Variants in PDE4D observed in about 807,000 individuals in gnomAD.
PDE4D encodes phosphodiesterase 4D, also known as 3',5'-cyclic-AMP phosphodiesterase 4D.
A neutral mutation model predicts 87.4 loss-of-function variants in PDE4D; 24 were observed. That is an observed-to-expected ratio of 0.27 (90% CI 0.20 to 0.39). PDE4D has a LOEUF of 0.39. PDE4D is among the 10% of genes least tolerant of loss of function. The probability of loss-of-function intolerance (pLI) is 1.00; values close to 1 mark genes in which losing one functional copy is unlikely to be tolerated. For synonymous variants in PDE4D, 384 were observed against 383.2 expected (o/e 1.00, Z -0.02); for missense variants, 714 against 1,041.0 (o/e 0.69, Z 4.32).
At chr5:59,546,026 C>T (rs1414745401) in intron 1 of PDE4D, among the ~76,000 whole-genome samples, 1 of 152,068 alleles carries the variant, frequency 6.6e-6, no homozygotes, top group Non-Finnish European at 1.5e-5. Context: ...TATATTTATA[C>T]TGGAATGAAC....
intron 2 of PDE4D, among the ~76,000 whole-genome samples, chr5:60,074,836 T>A (rs375657511): frequency 2.0e-5 from 3 of 152,328 alleles, no homozygotes; most frequent in African/African-American, 7.2e-5. Flanking sequence ...CCCTGTTTTT[T>A]TCTGTTTTGC....
At chr5:59,211,738 C>T (rs1377099758) in intron 2 of PDE4D, among the ~76,000 whole-genome samples, 2 of 151,988 alleles carry the variant, frequency 1.3e-5, no homozygotes, top group South Asian at 4.1e-4. Context: ...ATGATATACA[C>T]ACACCATGTA....
chr5:60,379,041 A>G (rs1761654325), intron 1 of PDE4D, among the ~76,000 whole-genome samples: 1 of 152,108 alleles, frequency 6.6e-6, no homozygotes, highest in African/African-American at 2.4e-5. Flanking sequence ...TCCTACATAC[A>G]TGGTTACCCT....
chr5:59,592,191 A>T, intron 1 of PDE4D: 6 of 951,774 alleles, frequency 6.3e-6, no homozygotes, highest in Non-Finnish European at 7.5e-6. Context: ...TATTTATAAC[A>T]CCAAAAACAT....
At chr5:60,329,322 C>G (rs183264258) in intron 1 of PDE4D, among the ~76,000 whole-genome samples, 46 of 152,228 alleles carry the variant, frequency 3.0e-4, no homozygotes, top group Middle Eastern at 3.4e-3. Flanking sequence ...ACAAAGGGCA[C>G]TTCCCCTGCT....
chr5:59,865,547 C>A (rs1464555683), intron 1 of PDE4D, among the ~76,000 whole-genome samples: 1 of 152,128 alleles, frequency 6.6e-6, no homozygotes, highest in Admixed American at 6.5e-5. Context: ...AACTCAATGA[C>A]AAATCTAGCA....
In PDE4D at chr5:60,240,389, C is replaced by T. The variant is rs151104773; in HGVS notation, c.-89-54702G>A. Among the ~76,000 whole-genome samples, 259 of 152,132 alleles carry T rather than the reference C, an allele frequency of 1.7e-3. 1 individual carries two copies. The East Asian group carries it at 0.02, about 12-fold the overall frequency. ...GGGCAACAAGCAGACTCTTGGGGTC[C>T]CCAGTTCCAAGGCTTGACTCTTGAA... On this transcript the variant is annotated intron_variant, in intron 1 of 16. Transcript: ENST00000502484.
chr5:60,360,776 G>A (rs2149954055), intron 1 of PDE4D, among the ~76,000 whole-genome samples: 1 of 152,288 alleles, frequency 6.6e-6, no homozygotes, highest in African/African-American at 2.4e-5. Flanking sequence ...TGGCATCTGT[G>A]CTCTTGTTAT....
intron 1 of PDE4D, among the ~76,000 whole-genome samples, chr5:59,539,979 T>C (rs73761531): frequency 0.013 from 1,999 of 152,292 alleles, 37 homozygotes; most frequent in African/African-American, 0.044. Flanking sequence ...GATCTCAGAC[T>C]CTAGCATACA....
intron 1 of PDE4D, among the ~76,000 whole-genome samples, chr5:60,473,343 G>A (rs1013626500): frequency 1.3e-5 from 2 of 152,186 alleles, no homozygotes; most frequent in South Asian, 4.2e-4. Context: ...GACAACTGGT[G>A]AAATTTGAAT....
intron 11 of PDE4D, among the ~76,000 whole-genome samples, chr5:58,983,914 T>A (rs1328331243): frequency 6.6e-6 from 1 of 152,172 alleles, no homozygotes; most frequent in Non-Finnish European, 1.5e-5. Flanking sequence ...GTCCACTAGG[T>A]ATTGTGCCTT....
chr5:59,714,085 C>T (rs1409350936), intron 1 of PDE4D, among the ~76,000 whole-genome samples: 1 of 152,076 alleles, frequency 6.6e-6, no homozygotes, highest in Non-Finnish European at 1.5e-5. Context: ...TCTGGGTCTG[C>T]ACTGTAAAAA....
chr5:60,238,951 G>C (rs1469860955), intron 1 of PDE4D, among the ~76,000 whole-genome samples: 1 of 151,932 alleles, frequency 6.6e-6, no homozygotes, highest in Admixed American at 6.6e-5. Context: ...CGATGATCTT[G>C]AGCAGTAGGA....
At chr5:60,024,717 C>T (rs1165326847) in intron 2 of PDE4D, among the ~76,000 whole-genome samples, 2 of 151,880 alleles carry the variant, frequency 1.3e-5, no homozygotes, top group Non-Finnish European at 2.9e-5. Context: ...TTTTAAATCA[C>T]GGTGGAGATA....
At chr5:59,371,643 T>C (rs564235732) in intron 1 of PDE4D, among the ~76,000 whole-genome samples, 86 of 152,350 alleles carry the variant, frequency 5.6e-4, no homozygotes, top group Non-Finnish European at 1.1e-3. Context: ...GTGAACCTAC[T>C]ATAGATATGA....
chr5:59,601,142 CAAT>C (rs1342456285), intron 1 of PDE4D, among the ~76,000 whole-genome samples: 3 of 152,090 alleles, frequency 2.0e-5, no homozygotes, highest in African/African-American at 7.2e-5. Context: ...TAATTTGTGA[CAAT>C]GATATGTTTG....
In PDE4D at chr5:60,357,735, T is replaced by C. The variant is rs1759743004; in HGVS notation, c.-90+130207A>G. On this transcript the variant is annotated intron_variant, in intron 1 of 16. Coordinates refer to the PDE4D transcript ENST00000502484. Reference sequence around the variant, plus strand: ...TATTCTCCTCATAAGTGAAGTAGGATCCATAGTGCATATAGAAATATTTTT... The same window carrying C: ...TATTCTCCTCATAAGTGAAGTAGGACCCATAGTGCATATAGAAATATTTTT... Among the ~76,000 whole-genome samples the C allele has an allele frequency of 1.3e-5, 2 of 152,182 alleles. 1 individual carries two copies. The highest frequency in any genetic ancestry group is 4.1e-4 in the South Asian group (2 of 4,832).
chr5:59,360,773 T>A (rs770172477), intron 1 of PDE4D, among the ~76,000 whole-genome samples: 1 of 152,162 alleles, frequency 6.6e-6, no homozygotes, highest in Non-Finnish European at 1.5e-5. Context: ...AGACAATTAT[T>A]TTAAGACTTG....
chr5:60,041,171 T>C (rs995817465), intron 2 of PDE4D, among the ~76,000 whole-genome samples: 1 of 152,238 alleles, frequency 6.6e-6, no homozygotes, highest in African/African-American at 2.4e-5. Flanking sequence ...TTATTAGATA[T>C]ATAGATAGTA....
Sources: allele counts gnomAD v4.1 joint callset (sites outside exome capture counted in the v4.1 genomes callset), GRCh38; gene constraint gnomAD v4.1.1; transcripts MANE v1.5; gene names NCBI Gene and HGNC (gene_info 2026-07-23, HGNC 2026-07-21).